The following ATP8A1 variants were observed in gnomAD, a reference collection of about 807,000 sequenced individuals.
ATP8A1 encodes the protein phospholipid-transporting ATPase IA.
A neutral mutation model predicts 177.7 loss-of-function variants in ATP8A1; 90 were observed. The observed-to-expected ratio is 0.51, with a 90% CI of 0.43 to 0.60. ATP8A1 has a LOEUF of 0.60. Among genes scored for constraint, ATP8A1 ranks in the 20% least tolerant of loss-of-function variants. The pLI is 0.00. For missense variants in ATP8A1, 1,072 were observed against 1,392.8 expected, an observed-to-expected ratio of 0.77 and a Z score of 3.67; for synonymous variants, 493 against 485.9, an observed-to-expected ratio of 1.01 and a Z score of -0.19.
intron 24 of ATP8A1, among the ~76,000 whole-genome samples, chr4:42,487,002 C>G (rs1188766827): frequency 6.6e-6 from 1 of 152,152 alleles, no homozygotes; most frequent in Non-Finnish European, 1.5e-5. Flanking sequence ...AATTTACAGG[C>G]ATTCTTTCAA....
chr4:42,594,368 A>C, intron 6 of ATP8A1: 1 of 1,522,472 alleles, frequency 6.6e-7, no homozygotes, highest in Non-Finnish European at 9.1e-7. Flanking sequence ...TTTACCTGAA[A>C]GAAAACTGGG....
intron 25 of ATP8A1, among the ~76,000 whole-genome samples, chr4:42,469,903 T>C (rs1392083297): frequency 5.3e-5 from 8 of 152,072 alleles, no homozygotes; most frequent in African/African-American, 1.4e-4. Context: ...CCTATGTCTA[T>C]AAAAAAAATC....
chr4:42,410,156 T>C lies in ATP8A1; in HGVS notation c.*2760A>G, dbSNP rs1560292993. 1 of 152,190 alleles carries C rather than the reference T, an allele frequency of 6.6e-6. No individual in the cohort carries two copies. Among genetic ancestry groups the C allele is most frequent in the Admixed American group, 6.5e-5 (1 of 15,282 alleles). The allele number at this position is 152,190 out of a possible 1,614,324, so 9.4% of individuals were successfully genotyped here. On this transcript the variant is annotated 3_prime_UTR_variant, in exon 37 of 37. Coordinates refer to ENST00000381668, the MANE Select transcript of ATP8A1 (RefSeq NM_006095.2). ...AATAATATCTACAATATAACATCTT[T>C]CTGGGTGTGAGACACCAATATATTT...
intron 5 of ATP8A1, among the ~76,000 whole-genome samples, chr4:42,600,869 G>A (rs1735177051): frequency 6.6e-6 from 1 of 152,010 alleles, no homozygotes; most frequent in East Asian, 1.9e-4. Context: ...TGCTACAAGA[G>A]TAGCAATGTT....
At chr4:42,654,055 C>T (rs1741384657) in intron 1 of ATP8A1, among the ~76,000 whole-genome samples, 1 of 152,196 alleles carries the variant, frequency 6.6e-6, no homozygotes, top group African/African-American at 2.4e-5. Context: ...GTAACTCTGG[C>T]CCCACTCCAG....
In ATP8A1 at chr4:42,411,462, A is replaced by C. The variant is rs1263045705; in HGVS notation, c.*1454T>G. The C allele has an allele frequency of 6.6e-6, 1 of 152,232 alleles. No individual in the cohort carries two copies. Among genetic ancestry groups the C allele is most frequent in the Admixed American group, 6.5e-5 (1 of 15,290 alleles). The allele number at this position is 152,232 out of a possible 1,614,324, so 9.4% of individuals were successfully genotyped here. A position where few individuals can be genotyped will look rare whatever the true frequency, so the allele number is the denominator to read the frequency against. ...GCAGGCTTTTGAGTAAAAGGCAAAT[A>C]GTTTGCTTCAATCTCTGAAGTGTAT... is the stretch of plus-strand genomic sequence containing the variant. On this transcript the variant is annotated 3_prime_UTR_variant, in exon 37 of 37. Coordinates refer to ENST00000381668, the MANE Select transcript of ATP8A1 (RefSeq NM_006095.2).
chr4:42,587,094 T>A (rs1028303837), intron 8 of ATP8A1, among the ~76,000 whole-genome samples: 10 of 152,194 alleles, frequency 6.6e-5, no homozygotes, highest in African/African-American at 2.4e-4. Flanking sequence ...CTTAAAACTT[T>A]AAAAACTTTA....
intron 20 of ATP8A1, among the ~76,000 whole-genome samples, chr4:42,529,201 T>C (rs1727005041): frequency 6.6e-6 from 1 of 152,176 alleles, no homozygotes. Context: ...CAATGGTATT[T>C]GAGGTGTCAG....
chr4:42,556,201 T>C (rs746478966), intron 15 of ATP8A1, 161 bp from the exon 16 acceptor site: 6 of 450,964 alleles, frequency 1.3e-5, no homozygotes, highest in Non-Finnish European at 2.4e-5. Context: ...GATTTCATGA[T>C]TGTATCACAA....
At chr4:42,607,765 T>A (rs942687294) in intron 5 of ATP8A1, among the ~76,000 whole-genome samples, 13 of 152,260 alleles carry the variant, frequency 8.5e-5, no homozygotes, top group Middle Eastern at 3.4e-3. Context: ...TGGATTAGAT[T>A]TCAACAAGGA....
At chr4:42,440,491 G>T (rs1716502499) in intron 33 of ATP8A1, among the ~76,000 whole-genome samples, 1 of 151,894 alleles carries the variant, frequency 6.6e-6, no homozygotes, top group Non-Finnish European at 1.5e-5. Flanking sequence ...TTGTATTTAT[G>T]GTCTGCCCCC....
chr4:42,453,581 C>A lies in ATP8A1; in HGVS notation c.2818-1522G>T, dbSNP rs146229964. Among the ~76,000 whole-genome samples the A allele has an allele frequency of 5.1e-4, 78 of 152,308 alleles. 1 individual carries two copies. The highest frequency in any genetic ancestry group is 1.9e-3 in the African/African-American group (77 of 41,580). ...TTAAAACAATATACTACCCGCTATA[C>A]CCTTTTCCTGGCCACAAAAATGTGT... is the stretch of plus-strand genomic sequence containing the variant. On this transcript the variant is annotated intron_variant, in intron 29 of 36. Coordinates refer to ENST00000381668, the MANE Select transcript of ATP8A1 (RefSeq NM_006095.2).
At chr4:42,472,249 C>A in intron 25 of ATP8A1, 3 of 569,280 alleles carry the variant, frequency 5.3e-6, no homozygotes, top group Non-Finnish European at 1.0e-5. Flanking sequence ...GGATGACAGC[C>A]GGCTCATAAA....
chr4:42,451,187 G>C (rs903480658), intron 30 of ATP8A1, among the ~76,000 whole-genome samples: 1 of 152,120 alleles, frequency 6.6e-6, no homozygotes, highest in African/African-American at 2.4e-5. Flanking sequence ...ATCATCAGTG[G>C]GCAGCAGCAG....
At chr4:42,461,498 G>A (rs1049053353) in intron 27 of ATP8A1, among the ~76,000 whole-genome samples, 4 of 152,142 alleles carry the variant, frequency 2.6e-5, no homozygotes, top group African/African-American at 9.7e-5. Flanking sequence ...TGCTTTGCCT[G>A]CTGCCACCCA....
chr4:42,479,663 C>T (rs193180387), intron 25 of ATP8A1, among the ~76,000 whole-genome samples: 1 of 152,314 alleles, frequency 6.6e-6, no homozygotes. Context: ...TAGAAAGCTA[C>T]AGAGCACTGC....
At chr4:42,492,674 T>C (rs1167303146) in intron 24 of ATP8A1, among the ~76,000 whole-genome samples, 3 of 152,312 alleles carry the variant, frequency 2.0e-5, no homozygotes, top group Non-Finnish European at 4.4e-5. Flanking sequence ...AGCCCCACAG[T>C]CTATGGTACT....
At chr4:42,656,782 CTTCCCGACCCCGGGCTA>C (rs1560571857) in intron 1 of ATP8A1, 26 bp downstream of exon 1, 11 of 1,515,508 alleles carry the variant, frequency 7.3e-6, no homozygotes, top group Non-Finnish European at 7.1e-6. Context: ...CACACACTCG[CTTCCCGACCCCGGGCTA>C]GCCCCGAGCC....
At chr4:42,457,421 C>T (rs28479237) in intron 27 of ATP8A1, among the ~76,000 whole-genome samples, 5,616 of 152,242 alleles carry the variant, frequency 0.037, 171 homozygotes, top group South Asian at 0.087. Context: ...TTCTAAAAAG[C>T]TCTTTCAGAT....
Sources: allele counts gnomAD v4.1 joint callset (sites outside exome capture counted in the v4.1 genomes callset), GRCh38; gene constraint gnomAD v4.1.1; transcripts MANE v1.5; gene names NCBI Gene and HGNC (gene_info 2026-07-23, HGNC 2026-07-21).